Variants in MTA3 observed in about 807,000 individuals in gnomAD.
MTA3 encodes the protein metastasis associated 1 family member 3.
In MTA3, 34 loss-of-function variants were observed where a neutral mutation model predicts 83.5. The observed-to-expected ratio is 0.41, with a 90% CI of 0.31 to 0.54. MTA3 has a LOEUF of 0.54. Among genes scored for constraint, MTA3 ranks in the 20% least tolerant of loss-of-function variants. The probability of loss-of-function intolerance (pLI) is 0.33; values close to 1 mark genes in which losing one functional copy is unlikely to be tolerated. For missense variants in MTA3, 761 were observed against 726.4 expected, an observed-to-expected ratio of 1.05 and a Z score of -0.55; for synonymous variants, 303 against 252.7, an observed-to-expected ratio of 1.20 and a Z score of -1.89.
At position 42,707,757 on chromosome 2, in the gene MTA3, T is replaced by C. The variant is rs545196126; in HGVS notation, c.1151-146T>C. ...GAATTCTGAGTATTAAAAAAACAAA[T>C]ATACTATTATGTTTGGCTTGTAAGC... is the stretch of plus-strand genomic sequence containing the variant. On this transcript the variant is annotated intron_variant, in intron 12 of 16. Transcript: ENST00000405094. The C allele has an allele frequency of 7.2e-6, 6 of 834,004 alleles. No homozygotes were observed. In the Admixed American group the frequency reaches 2.1e-4, roughly 29 times the overall value. The allele number at this position is 834,004 out of a possible 1,614,324, so 51.7% of individuals were successfully genotyped here.
At chr2:42,712,526 T>C (rs528997373) in intron 14 of MTA3, among the ~76,000 whole-genome samples, 15 of 152,246 alleles carry the variant, frequency 9.9e-5, no homozygotes, top group Non-Finnish European at 1.5e-4. Context: ...CCCAAATACC[T>C]AAATATTATT....
rs1259958475 is a variant in MTA3, at chr2:42,642,718, C to T, written c.382-1409C>T. Among the ~76,000 whole-genome samples, 6 of 149,266 alleles carry T rather than the reference C, an allele frequency of 4.0e-5. No individual in the cohort carries two copies. The East Asian group carries it at 1.2e-3, about 29-fold the overall frequency. ...GGAGTGCAATGGTGCAATCTTGGCT[C>T]ACTGCAACCTCTGCCTCCTGTGTTC... On this transcript the variant is annotated intron_variant, in intron 5 of 16. Coordinates refer to ENST00000405094, the MANE Select transcript of MTA3 (RefSeq NM_001330442.2).
intron 2 of MTA3, among the ~76,000 whole-genome samples, chr2:42,518,180 CA>C (rs1206857365): frequency 4.0e-5 from 6 of 149,166 alleles, no homozygotes; most frequent in Non-Finnish European, 4.5e-5. Context: ...AACTCGGTCT[CA>C]AAAAAAAAGA....
intron 8 of MTA3, 48 bp from the exon 9 acceptor site, chr2:42,682,353 C>A: frequency 7.3e-7 from 1 of 1,365,482 alleles, no homozygotes; most frequent in Non-Finnish European, 1.0e-6. Context: ...CATAATGTAG[C>A]ATGTTTGCAT....
At chr2:42,611,298 T>C (rs1684181903) in intron 4 of MTA3, among the ~76,000 whole-genome samples, 1 of 143,300 alleles carries the variant, frequency 7.0e-6, no homozygotes, top group African/African-American at 2.6e-5. Flanking sequence ...TTGTAGACTT[T>C]CTAAAGCTCT....
chr2:42,574,064 C>T (rs1312484239), intron 2 of MTA3, among the ~76,000 whole-genome samples: 2 of 150,698 alleles, frequency 1.3e-5, no homozygotes, highest in East Asian at 3.9e-4. Context: ...TCTCGATCTC[C>T]TGACCTTGTG....
At chr2:42,534,521 C>G (rs914846968) in intron 2 of MTA3, among the ~76,000 whole-genome samples, 1 of 151,830 alleles carries the variant, frequency 6.6e-6, no homozygotes, top group Non-Finnish European at 1.5e-5. Context: ...CGCTTGAACC[C>G]GGGAGGCAGA....
chr2:42,557,216 C>A (rs552486686), intron 2 of MTA3, among the ~76,000 whole-genome samples: 24 of 151,948 alleles, frequency 1.6e-4, no homozygotes, highest in Admixed American at 7.9e-4. Flanking sequence ...GCACTTCAGC[C>A]TGGGAGGAGC....
chr2:42,620,668 C>T (rs1018354353), intron 4 of MTA3, among the ~76,000 whole-genome samples: 2 of 152,042 alleles, frequency 1.3e-5, no homozygotes, highest in African/African-American at 4.8e-5. Flanking sequence ...AGTTTTTAAA[C>T]TTTTTGTAGG....
chr2:42,737,077 G>C (rs1374536211), intron 16 of MTA3, among the ~76,000 whole-genome samples: 1 of 152,208 alleles, frequency 6.6e-6, no homozygotes, highest in South Asian at 2.1e-4. Context: ...GCTGTGAGCT[G>C]TGCTGCCTGA....
chr2:42,576,811 C>T (rs1178373089), intron 2 of MTA3, among the ~76,000 whole-genome samples: 4 of 152,118 alleles, frequency 2.6e-5, no homozygotes, highest in African/African-American at 9.7e-5. Flanking sequence ...GCAGGAGAAT[C>T]GCTTGAACCC....
At chr2:42,717,291 T>C (rs1039153863) in intron 14 of MTA3, among the ~76,000 whole-genome samples, 1 of 152,116 alleles carries the variant, frequency 6.6e-6, no homozygotes, top group African/African-American at 2.4e-5. Context: ...TGCCCAGAAA[T>C]GTCTCAGTTT....
chr2:42,698,413 A>T (rs908640470), intron 11 of MTA3: 1 of 151,596 alleles, frequency 6.6e-6, no homozygotes, highest in African/African-American at 2.4e-5. Context: ...GTTTTAAATG[A>T]GGCTGAGCAT....
At chr2:42,705,238 G>C (rs1221243161) in intron 12 of MTA3, among the ~76,000 whole-genome samples, 2 of 152,172 alleles carry the variant, frequency 1.3e-5, no homozygotes, top group Non-Finnish European at 2.9e-5. Flanking sequence ...TGCAGCATGG[G>C]AGCACAAAGG....
chr2:42,524,356 C>T (rs995510277), intron 2 of MTA3, among the ~76,000 whole-genome samples: 1 of 151,276 alleles, frequency 6.6e-6, no homozygotes, highest in Non-Finnish European at 1.5e-5. Flanking sequence ...GCTGAAGGGC[C>T]GTGGCCTGAT....
intron 2 of MTA3, among the ~76,000 whole-genome samples, chr2:42,577,810 A>T (rs536038961): frequency 5.3e-5 from 8 of 152,282 alleles, no homozygotes; most frequent in African/African-American, 1.4e-4. Context: ...AGAGACAAAA[A>T]TCACATTGAA....
chr2:42,541,906 G>C (rs1572952042), intron 2 of MTA3, among the ~76,000 whole-genome samples: 1 of 152,154 alleles, frequency 6.6e-6, no homozygotes, highest in Non-Finnish European at 1.5e-5. Context: ...CTGTGGCTGT[G>C]AACAATGGAA....
intron 2 of MTA3, among the ~76,000 whole-genome samples, chr2:42,498,177 A>G (rs1049654520): frequency 6.6e-6 from 1 of 152,174 alleles, no homozygotes; most frequent in Non-Finnish European, 1.5e-5. Context: ...ATATTTTTCA[A>G]TGTTTGCATT....
At chr2:42,606,951 C>G (rs981537045) in intron 3 of MTA3, among the ~76,000 whole-genome samples, 1 of 150,038 alleles carries the variant, frequency 6.7e-6, no homozygotes, top group African/African-American at 2.5e-5. Flanking sequence ...TGCCTGCAAT[C>G]GCAGGCATTC....
Sources: gnomAD v4.1 joint callset for allele counts (sites outside exome capture counted in the v4.1 genomes callset) on GRCh38, gnomAD v4.1.1 for gene constraint, MANE v1.5 for transcripts, NCBI Gene and HGNC (gene_info 2026-07-23, HGNC 2026-07-21) for gene names.